Variants in ARMC3 observed in about 807,000 individuals in gnomAD.
The protein encoded by ARMC3 is armadillo repeat-containing protein 3.
In ARMC3, 74 loss-of-function variants were observed where a neutral mutation model predicts 90.3. That is an observed-to-expected ratio of 0.82 (90% CI 0.68 to 0.99). The LOEUF (loss-of-function observed/expected upper bound fraction) is 0.99. Among genes scored for constraint, ARMC3 ranks in the 50% least tolerant of loss-of-function variants. The probability of loss-of-function intolerance (pLI) is 0.00; values close to 1 mark genes in which losing one functional copy is unlikely to be tolerated. For synonymous variants in ARMC3, 334 were observed against 361.8 expected, an observed-to-expected ratio of 0.92 and a Z score of 0.87; for missense variants, 958 against 1,042.8, an observed-to-expected ratio of 0.92 and a Z score of 1.12.
intron 8 of ARMC3, 63 bp from the exon 9 acceptor site, chr10:22,981,277 G>C (rs2099265354): frequency 7.0e-7 from 1 of 1,422,850 alleles, no homozygotes; most frequent in African/African-American, 1.4e-5. Context: ...GGATGGGAAA[G>C]TAGTAATACT....
rs1836186871 is a variant in ARMC3, at chr10:22,981,516, T to C, written c.1069+24T>C. 3 of 1,613,400 alleles carry C rather than the reference T, an allele frequency of 1.9e-6. No individual in the cohort carries two copies. In the East Asian group the frequency reaches 6.7e-5, roughly 36 times the overall value. On this transcript the variant is annotated intron_variant, in intron 9 of 18. Coordinates refer to ENST00000298032, the MANE Select transcript of ARMC3 (RefSeq NM_173081.5). The stretch of plus-strand genomic sequence containing the variant: ...GGGTAAGTCAACTGGAAACAATTCT[T>C]TTGAGCATTTTTAGGTTACCGTATT...
rs921651961 is a variant in ARMC3 at position 22,981,815 on chromosome 10, A to G, written c.1175+115A>G. 4.6e-6 allele frequency: 4 copies of G among 872,646 alleles called. No individual in the cohort carries two copies. In the African/African-American group the frequency reaches 6.7e-5, roughly 15 times the overall value. 54.1% of individuals were successfully genotyped at this position (872,646 alleles called of 1,614,324 possible). A position where few individuals can be genotyped will look rare whatever the true frequency, so the allele number is the denominator to read the frequency against. ...GTCTATGAATTTCTTCAGATGGTCT[A>G]TCTTGGGGTTATTCTTCAGAATCCC... On this transcript the variant is annotated intron_variant, in intron 10 of 18. Transcript: ENST00000298032.
At chr10:23,032,803 A>G (rs1838965954) in intron 17 of ARMC3, 58 bp from the exon 18 acceptor site, 2 of 1,513,086 alleles carry the variant, frequency 1.3e-6, no homozygotes, top group South Asian at 2.4e-5. Flanking sequence ...ATTACACTCA[A>G]AGCATCCTAA....
chr10:22,971,587 C>T (rs563662054), intron 8 of ARMC3, among the ~76,000 whole-genome samples: 19 of 151,722 alleles, frequency 1.3e-4, no homozygotes, highest in African/African-American at 3.6e-4. Flanking sequence ...ACTACAGGCA[C>T]GCACCACCAC....
chr10:22,967,489 C>CA (rs1835489645), intron 7 of ARMC3, among the ~76,000 whole-genome samples: 1 of 152,174 alleles, frequency 6.6e-6, no homozygotes. Flanking sequence ...GAAGAGGATG[C>CA]AAAATCCTTG....
intron 8 of ARMC3, among the ~76,000 whole-genome samples, chr10:22,970,596 A>G (rs1835639490): frequency 6.6e-6 from 1 of 152,238 alleles, no homozygotes; most frequent in Non-Finnish European, 1.5e-5. Flanking sequence ...ACAGAAGACC[A>G]AAAGGGGGTT....
At chr10:23,032,720 T>A (rs1339693841) in intron 17 of ARMC3, 141 bp from the exon 18 acceptor site, 1 of 822,792 alleles carries the variant, frequency 1.2e-6, no homozygotes, top group East Asian at 2.7e-5. Flanking sequence ...CTATTTATGG[T>A]TAGTACTTTC....
chr10:23,003,962 C>T (rs930345645), intron 13 of ARMC3, among the ~76,000 whole-genome samples: 1 of 152,032 alleles, frequency 6.6e-6, no homozygotes, highest in African/African-American at 2.4e-5. Context: ...GCCTGGGGAA[C>T]ATAGTGAGAC....
In ARMC3 at chr10:23,037,488, A is replaced by G; in HGVS notation, c.*9A>G. On this transcript the variant is annotated 3_prime_UTR_variant, in exon 19 of 19. Transcript: ENST00000298032. ...TTTACAGATTCATTTAAGCCATCAG[A>G]CGAACACAAGAGAGGCTCAAACAAG... 2 of 1,609,414 alleles carry G rather than the reference A, an allele frequency of 1.2e-6. No individual in the cohort carries two copies. Among genetic ancestry groups the G allele is most frequent in the Middle Eastern group, 1.7e-4 (1 of 6,034 alleles).
chr10:22,932,855 C>T (rs1020059571), intron 2 of ARMC3, among the ~76,000 whole-genome samples: 7 of 152,176 alleles, frequency 4.6e-5, no homozygotes, highest in African/African-American at 1.7e-4. Context: ...CTGCCTCTTA[C>T]CAACTGTGTC....
chr10:22,942,711 C>A (rs183572899), intron 2 of ARMC3, among the ~76,000 whole-genome samples: 1 of 152,182 alleles, frequency 6.6e-6, no homozygotes, highest in African/African-American at 2.4e-5. Flanking sequence ...TATGTCTACC[C>A]CATGACTCAT....
chr10:22,969,987 T>C (rs1217001223), intron 8 of ARMC3, among the ~76,000 whole-genome samples: 1 of 152,122 alleles, frequency 6.6e-6, no homozygotes, highest in African/African-American at 2.4e-5. Flanking sequence ...AACGACCTAC[T>C]TAAGTGATTT....
chr10:22,981,514 C>G (rs1388713639), intron 9 of ARMC3, 22 bp downstream of exon 9: 2 of 1,613,314 alleles, frequency 1.2e-6, no homozygotes, highest in Non-Finnish European at 1.7e-6. Context: ...GGAAACAATT[C>G]TTTTGAGCAT....
intron 2 of ARMC3, among the ~76,000 whole-genome samples, chr10:22,941,041 C>T (rs1255989480): frequency 6.6e-6 from 1 of 151,994 alleles, no homozygotes; most frequent in African/African-American, 2.4e-5. Flanking sequence ...AAATGAGATC[C>T]ATGAAACATG....
chr10:23,002,090 T>G (rs761714841), intron 12 of ARMC3, 35 bp downstream of exon 12: 21 of 1,608,342 alleles, frequency 1.3e-5, no homozygotes, highest in African/African-American at 4.0e-5. Flanking sequence ...CTGGCTCAGA[T>G]GAAGAGCAGA....
chr10:22,951,024 G>A (rs1027528346), intron 3 of ARMC3, among the ~76,000 whole-genome samples: 2 of 149,148 alleles, frequency 1.3e-5, no homozygotes, highest in African/African-American at 2.5e-5. Flanking sequence ...TGCAAGCTCC[G>A]CCTCCCGGCT....
At chr10:22,990,174 C>A (rs979379678) in intron 10 of ARMC3, among the ~76,000 whole-genome samples, 1 of 150,142 alleles carries the variant, frequency 6.7e-6, no homozygotes, top group African/African-American at 2.4e-5. Flanking sequence ...TTCCCCCCCC[C>A]ACTTCCAATT....
chr10:22,968,255 A>G, intron 7 of ARMC3, 51 bp from the exon 8 acceptor site: 1 of 1,521,050 alleles, frequency 6.6e-7, no homozygotes, highest in Non-Finnish European at 9.1e-7. Flanking sequence ...AAATTTGGGA[A>G]GTGTACATTT....
intron 13 of ARMC3, among the ~76,000 whole-genome samples, chr10:23,006,326 GA>G (rs1411080199): frequency 2.0e-5 from 3 of 152,172 alleles, no homozygotes; most frequent in Non-Finnish European, 4.4e-5. Context: ...AGAATGACAG[GA>G]TTGGTCTTAT....
Sources: gnomAD v4.1 joint callset for allele counts (sites outside exome capture counted in the v4.1 genomes callset) on GRCh38, gnomAD v4.1.1 for gene constraint, MANE v1.5 for transcripts, NCBI Gene and HGNC (gene_info 2026-07-23, HGNC 2026-07-21) for gene names.